The following HAVCR2 variants were observed in gnomAD, a reference collection of about 807,000 sequenced individuals.
HAVCR2 encodes hepatitis A virus cellular receptor 2.
A neutral mutation model predicts 24.7 loss-of-function variants in HAVCR2; 13 were observed. That is an observed-to-expected ratio of 0.53 (90% CI 0.34 to 0.84). HAVCR2 has a LOEUF of 0.84. Ranked by LOEUF, HAVCR2 falls within the 40% of genes least tolerant of loss-of-function variation. HAVCR2 has a pLI of 0.01. For missense variants in HAVCR2, 343 were observed against 371.2 expected (o/e 0.92, Z 0.62); for synonymous variants, 154 against 143.4 (o/e 1.07, Z -0.53).
At chr5:157,098,270 G>T (rs1476802528) in intron 4 of HAVCR2, among the ~76,000 whole-genome samples, 2 of 151,870 alleles carry the variant, frequency 1.3e-5, no homozygotes, top group Admixed American at 6.6e-5. Flanking sequence ...AGCCGGGTGT[G>T]GTGGCTCATG....
Position 157,086,971 on chromosome 5 carries a change from G to A in HAVCR2, c.*131C>T, listed in dbSNP as rs1756922043. 1 of 729,498 alleles carries A rather than the reference G, an allele frequency of 1.4e-6. No homozygotes were observed. The highest frequency in any genetic ancestry group is 3.0e-5 in the Admixed American group (1 of 33,370). The allele number at this position is 729,498 out of a possible 1,614,324, so 45.2% of individuals were successfully genotyped here. A position where few individuals can be genotyped will look rare whatever the true frequency, so the allele number is the denominator to read the frequency against. ...AGGTCCCAGTTCAATTCCCATGTGA[G>A]TCATTATCTTCTGAAAATGGGAAAA... is the stretch of plus-strand genomic sequence containing the variant. On this transcript the variant is annotated 3_prime_UTR_variant, in exon 7 of 7. Transcript: ENST00000307851.
At chr5:157,095,252 T>G in intron 5 of HAVCR2, 54 bp downstream of exon 5, 1 of 1,587,598 alleles carries the variant, frequency 6.3e-7, no homozygotes, top group South Asian at 1.1e-5. Flanking sequence ...AGGTTTTTAC[T>G]GGTTCTCACT....
At chr5:157,094,663 G>A (rs746183373) in intron 5 of HAVCR2, among the ~76,000 whole-genome samples, 6 of 151,478 alleles carry the variant, frequency 4.0e-5, no homozygotes, top group Admixed American at 6.6e-5. Flanking sequence ...GATTACAGGC[G>A]TGAGCCACTG....
chr5:157,103,019 C>A (rs574904410), intron 3 of HAVCR2, among the ~76,000 whole-genome samples: 1 of 151,436 alleles, frequency 6.6e-6, no homozygotes, highest in Non-Finnish European at 1.5e-5. Flanking sequence ...TGCACCACCT[C>A]GACAGGGAGT....
intron 5 of HAVCR2, among the ~76,000 whole-genome samples, chr5:157,093,309 G>A (rs1757039862): frequency 6.6e-6 from 1 of 152,022 alleles, no homozygotes; most frequent in Non-Finnish European, 1.5e-5. Flanking sequence ...GCAGGCAAGT[G>A]ACCTAACCTT....
At chr5:157,094,016 A>G (rs1416752773) in intron 5 of HAVCR2, among the ~76,000 whole-genome samples, 1 of 151,928 alleles carries the variant, frequency 6.6e-6, no homozygotes, top group Non-Finnish European at 1.5e-5. Context: ...ATTCTCCATC[A>G]AAATTCATCA....
At chr5:157,098,977 G>C in intron 3 of HAVCR2, 76 bp from the exon 4 acceptor site, 1 of 1,376,538 alleles carries the variant, frequency 7.3e-7, no homozygotes, top group Admixed American at 2.2e-5. Context: ...TTTTATCTAA[G>C]TTTTTAAAAA....
At chr5:157,088,496 A>C (rs529070254) in intron 6 of HAVCR2, among the ~76,000 whole-genome samples, 2 of 152,252 alleles carry the variant, frequency 1.3e-5, no homozygotes, top group African/African-American at 4.8e-5. Flanking sequence ...GCATTAGTAC[A>C]CTTCAGTGCC....
chr5:157,091,635 T>C (rs1017924751), intron 5 of HAVCR2, among the ~76,000 whole-genome samples: 2 of 151,886 alleles, frequency 1.3e-5, no homozygotes, highest in Non-Finnish European at 2.9e-5. Context: ...AGTTGAGAAA[T>C]GGGACTAGCT....
intron 5 of HAVCR2, among the ~76,000 whole-genome samples, chr5:157,091,639 A>G (rs1172249851): frequency 6.6e-6 from 1 of 152,106 alleles, no homozygotes; most frequent in Admixed American, 6.6e-5. Flanking sequence ...GAGAAATGGG[A>G]CTAGCTGGAG....
At chr5:157,092,925 A>G (rs564453433) in intron 5 of HAVCR2, among the ~76,000 whole-genome samples, 51 of 130,058 alleles carry the variant, frequency 3.9e-4, no homozygotes, top group African/African-American at 1.3e-3. Flanking sequence ...AAAACTAGCC[A>G]GGTGTGGTGG....
Position 157,086,667 on chromosome 5 carries a change from G to A in HAVCR2, c.*435C>T, listed in dbSNP as rs1756917003. ...CATCTCAAAAACAAAAAACAAAAAG[G>A]GATCACAGATCTCTTTGAAAATCAG... On this transcript the variant is annotated 3_prime_UTR_variant, in exon 7 of 7. Coordinates refer to ENST00000307851, the MANE Select transcript of HAVCR2 (RefSeq NM_032782.5). The A allele has an allele frequency of 6.4e-6, 1 of 156,516 alleles. No individual in the cohort carries two copies. Among genetic ancestry groups the A allele is most frequent in the African/African-American group, 2.4e-5 (1 of 41,440 alleles). The allele number at this position is 156,516 out of a possible 1,614,324, so 9.7% of individuals were successfully genotyped here.
At chr5:157,092,187 G>A (rs1757013941) in intron 5 of HAVCR2, among the ~76,000 whole-genome samples, 1 of 149,608 alleles carries the variant, frequency 6.7e-6, no homozygotes, top group African/African-American at 2.4e-5. Context: ...TATATATAAA[G>A]TGGTCTCTAA....
intron 3 of HAVCR2, among the ~76,000 whole-genome samples, chr5:157,103,133 G>A (rs975018860): frequency 6.6e-6 from 1 of 152,088 alleles, no homozygotes; most frequent in Non-Finnish European, 1.5e-5. Flanking sequence ...GGAGGCCGAG[G>A]CGGGAGGATC....
chr5:157,106,410 G>A (rs1456998949), intron 2 of HAVCR2: 3 of 555,154 alleles, frequency 5.4e-6, no homozygotes, highest in Non-Finnish European at 9.7e-6. Context: ...GATTAGAGGT[G>A]TGAGCCACCA....
intron 6 of HAVCR2, among the ~76,000 whole-genome samples, chr5:157,087,897 C>T (rs1212005463): frequency 4.4e-5 from 6 of 137,876 alleles, no homozygotes; most frequent in East Asian, 4.3e-4. Context: ...AGCCAGACTC[C>T]GTCTCAAAAA....
intron 4 of HAVCR2, among the ~76,000 whole-genome samples, chr5:157,096,955 CACACACACATAT>C (rs1418903566): frequency 2.6e-3 from 387 of 149,828 alleles, no homozygotes; most frequent in Middle Eastern, 0.01. Flanking sequence ...CACACACACA[CACACACACATAT>C]AATTATAAGC....
At chr5:157,092,612 A>G (rs1757020796) in intron 5 of HAVCR2, among the ~76,000 whole-genome samples, 1 of 151,618 alleles carries the variant, frequency 6.6e-6, no homozygotes, top group South Asian at 2.1e-4. Flanking sequence ...ATGCCCGGCT[A>G]ATTTTGTATT....
At chr5:157,090,642 C>G (rs187870289) in intron 5 of HAVCR2, among the ~76,000 whole-genome samples, 1 of 151,870 alleles carries the variant, frequency 6.6e-6, no homozygotes, top group Non-Finnish European at 1.5e-5. Context: ...CTTGGCCTCC[C>G]GAAGTGTTAG....
Sources: allele counts gnomAD v4.1 joint callset (sites outside exome capture counted in the v4.1 genomes callset), GRCh38; gene constraint gnomAD v4.1.1; transcripts MANE v1.5; gene names NCBI Gene and HGNC (gene_info 2026-07-23, HGNC 2026-07-21).